The following WWC2 variants were observed in gnomAD, a reference collection of about 807,000 sequenced individuals.
WWC2 encodes WW and C2 domain containing 2.
Under a neutral mutation model 138.5 loss-of-function variants are expected in WWC2, and 101 were observed. The ratio of observed to expected loss-of-function variants is 0.73; its 90% CI spans 0.62 to 0.86. The LOEUF (loss-of-function observed/expected upper bound fraction) is 0.86, where lower values mean the gene tolerates loss of function less well. Among genes scored for constraint, WWC2 ranks in the 40% least tolerant of loss-of-function variants. The probability of loss-of-function intolerance (pLI) is 0.00; values close to 1 mark genes in which losing one functional copy is unlikely to be tolerated. For missense variants in WWC2, 1,420 were observed against 1,419.4 expected (o/e 1.00, Z -0.01); for synonymous variants, 558 against 538.4 (o/e 1.04, Z -0.50).
chr4:183,317,871 G>A lies in WWC2; in HGVS notation c.*2142G>A, dbSNP rs2111135842. 1 of 152,210 alleles carries A rather than the reference G, an allele frequency of 6.6e-6. No homozygotes were observed. Among genetic ancestry groups the A allele is most frequent in the South Asian group, 2.1e-4 (1 of 4,816 alleles). 9.4% of individuals were successfully genotyped at this position (152,210 alleles called of 1,614,324 possible). ...AGCAGTTGTGACCAAGATGCTTTTG[G>A]TTGTTGTATTTCACAAAATTTCCTC... On this transcript the variant is annotated 3_prime_UTR_variant, in exon 23 of 23. Transcript: ENST00000403733.
intron 1 of WWC2, among the ~76,000 whole-genome samples, chr4:183,106,837 T>G (rs997707957): frequency 4.4e-4 from 67 of 152,242 alleles, no homozygotes; most frequent in African/African-American, 1.6e-3. Flanking sequence ...GATGTGCATT[T>G]GGGTCATTTC....
intron 1 of WWC2, among the ~76,000 whole-genome samples, chr4:183,182,891 A>G (rs1580023007): frequency 6.6e-6 from 1 of 152,264 alleles, no homozygotes; most frequent in East Asian, 1.9e-4. Flanking sequence ...TTTTTGAAAG[A>G]ATAAATTACA....
At chr4:183,187,262 C>CG (rs1015645337) in intron 1 of WWC2, among the ~76,000 whole-genome samples, 14 of 151,844 alleles carry the variant, frequency 9.2e-5, no homozygotes, top group African/African-American at 3.4e-4. Context: ...CTGTAAAAAA[C>CG]GGGAATAGGG....
At chr4:183,184,359 A>AT (rs769589126) in intron 1 of WWC2, among the ~76,000 whole-genome samples, 2 of 152,022 alleles carry the variant, frequency 1.3e-5, no homozygotes, top group Non-Finnish European at 2.9e-5. Flanking sequence ...ATATACCACA[A>AT]TTTTTTTATC....
intron 4 of WWC2, among the ~76,000 whole-genome samples, chr4:183,231,803 A>G (rs1736254700): frequency 6.6e-6 from 1 of 152,084 alleles, no homozygotes; most frequent in South Asian, 2.1e-4. Context: ...GACTACAGGT[A>G]CACACCACCA....
chr4:183,207,939 C>T lies in WWC2; in HGVS notation c.242-14C>T, dbSNP rs1224060602. On this transcript the variant is annotated splice_polypyrimidine_tract_variant and intron_variant, in intron 2 of 22. Coordinates refer to ENST00000403733, the MANE Select transcript of WWC2 (RefSeq NM_024949.6). ...GTTAAATTCTAAAAAGTACCCTCCA[C>T]CTAATGTTTTCAGAAACCACGCAGA... 1.3e-6 allele frequency: 2 copies of T among 1,597,578 alleles called. No individual in the cohort carries two copies. Among genetic ancestry groups the T allele is most frequent in the Admixed American group, 1.7e-5 (1 of 57,530 alleles).
At chr4:183,301,815 A>T (rs1463252313) in intron 21 of WWC2, among the ~76,000 whole-genome samples, 1 of 152,240 alleles carries the variant, frequency 6.6e-6, no homozygotes, top group African/African-American at 2.4e-5. Flanking sequence ...TTGGAGTTGT[A>T]CTTCCCAGAG....
intron 1 of WWC2, among the ~76,000 whole-genome samples, chr4:183,112,788 A>G (rs1192741490): frequency 2.6e-5 from 4 of 152,070 alleles, no homozygotes; most frequent in Admixed American, 2.0e-4. Context: ...TGATCAGGAA[A>G]GGCCTTTCTG....
At chr4:183,228,982 A>G (rs1199137467) in intron 4 of WWC2, among the ~76,000 whole-genome samples, 1 of 152,066 alleles carries the variant, frequency 6.6e-6, no homozygotes, top group Non-Finnish European at 1.5e-5. Context: ...GTATGAGTCC[A>G]CTTATATTAA....
At position 183,208,096 on chromosome 4, in the gene WWC2, C is replaced by G; in HGVS notation, c.385C>G (p.Leu129Val). 6.2e-7 allele frequency: 1 copy of G among 1,613,826 alleles called. No homozygotes were observed. Among genetic ancestry groups the G allele is most frequent in the Non-Finnish European group, 8.5e-7 (1 of 1,179,788 alleles). Residue 129 changes from leucine to valine, a missense_variant, in exon 3 of 23, where the codon CTG becomes GTG. Physicochemically the swap from Leu to Val is conservative, Grantham distance 32 (BLOSUM62 1). Coordinates refer to ENST00000403733, the MANE Select transcript of WWC2 (RefSeq NM_024949.6). ...HVKEQRLALA[L>V]DEYVRLNDAY... ...GAAGGAGCAGAGGCTGGCGCTGGCC[C>G]TGGATGAATACGTGCGATTAAATGA...
At chr4:183,236,691 C>A (rs1025502906) in intron 4 of WWC2, among the ~76,000 whole-genome samples, 3 of 152,164 alleles carry the variant, frequency 2.0e-5, no homozygotes, top group African/African-American at 7.2e-5. Context: ...TTTGCTTTAA[C>A]AATTTGAAGT....
rs141139574 is a variant in WWC2 at position 183,210,632 on chromosome 4, T to C, written c.522+1607T>C. ...ACGGGTATACATTCTGAGAAGTGTA[T>C]TGTTAGGCAATTCCCTTGTCCTGTG... On this transcript the variant is annotated intron_variant, in intron 4 of 22. Transcript: ENST00000403733. Among the ~76,000 whole-genome samples, 853 of 152,278 alleles carry C rather than the reference T, an allele frequency of 5.6e-3. 1 individual carries two copies. Among genetic ancestry groups the C allele is most frequent in the Non-Finnish European group, 8.3e-3 (562 of 68,032 alleles).
At chr4:183,118,579 T>G (rs1732500016) in intron 1 of WWC2, among the ~76,000 whole-genome samples, 1 of 152,230 alleles carries the variant, frequency 6.6e-6, no homozygotes, top group Non-Finnish European at 1.5e-5. Context: ...AAAATTAACT[T>G]TTTTAGAAAA....
At position 183,320,340 on chromosome 4, in the gene WWC2, G is replaced by A. The variant is rs1042596912; in HGVS notation, c.*4611G>A. On this transcript the variant is annotated 3_prime_UTR_variant, in exon 23 of 23. Coordinates refer to ENST00000403733, the MANE Select transcript of WWC2 (RefSeq NM_024949.6). ...ATATTTCTTCATTGTGTATATAGGA[G>A]GATTCTTGCCAGAGTTGCTATTGTT... The A allele has an allele frequency of 3.2e-6, 3 of 937,268 alleles. No individual in the cohort carries two copies. The highest frequency in any genetic ancestry group is 3.4e-5 in the African/African-American group (2 of 59,618). 58.1% of individuals were successfully genotyped at this position (937,268 alleles called of 1,614,324 possible). A position where few individuals can be genotyped will look rare whatever the true frequency, so the allele number is the denominator to read the frequency against.
At chr4:183,109,811 T>C (rs75085961) in intron 1 of WWC2, among the ~76,000 whole-genome samples, 2,780 of 152,264 alleles carry the variant, frequency 0.018, 83 homozygotes, top group African/African-American at 0.062. Flanking sequence ...GAGTCAGACA[T>C]GGGTGCTGAA....
rs527770740 is a variant in WWC2 at position 183,171,831 on chromosome 4, A to G, written c.132-21768A>G. On this transcript the variant is annotated intron_variant, in intron 1 of 22. Coordinates refer to ENST00000403733, the MANE Select transcript of WWC2 (RefSeq NM_024949.6). ...TGACTTCTTAGCTTTGGATTTTGAG[A>G]ACTGACTTCCCGCCCTGGTTGAGGA... Among the ~76,000 whole-genome samples, 5 of 152,284 alleles carry G rather than the reference A, an allele frequency of 3.3e-5. No homozygotes were observed. The South Asian group carries it at 1.0e-3, about 32-fold the overall frequency.
intron 20 of WWC2, among the ~76,000 whole-genome samples, chr4:183,287,276 C>T (rs1434993714): frequency 2.6e-5 from 4 of 152,164 alleles, no homozygotes; most frequent in Non-Finnish European, 5.9e-5. Context: ...ATTCAGCATT[C>T]GTCATTTTCA....
intron 6 of WWC2, among the ~76,000 whole-genome samples, chr4:183,247,851 T>C (rs1736850027): frequency 6.9e-6 from 1 of 144,478 alleles, no homozygotes. Flanking sequence ...GGTAAAAAAT[T>C]TCAGATCTCT....
intron 21 of WWC2, among the ~76,000 whole-genome samples, chr4:183,291,048 T>C (rs1738435507): frequency 1.3e-5 from 2 of 152,226 alleles, no homozygotes; most frequent in African/African-American, 4.8e-5. Flanking sequence ...TCACGTTCAG[T>C]AGGACCGGTG....
Sources: gnomAD v4.1 joint callset for allele counts (sites outside exome capture counted in the v4.1 genomes callset) on GRCh38, gnomAD v4.1.1 for gene constraint, MANE v1.5 for transcripts, NCBI Gene and HGNC (gene_info 2026-07-23, HGNC 2026-07-21) for gene names.